The following COTL1 variants were observed in gnomAD, a reference collection of about 807,000 sequenced individuals.
COTL1 encodes the protein coactosin like F-actin binding protein 1, also known as coactosin-like protein.
Under a neutral mutation model 16.5 loss-of-function variants are expected in COTL1, and 15 were observed. The observed-to-expected ratio is 0.91, with a 90% CI of 0.61 to 1.40. The LOEUF (loss-of-function observed/expected upper bound fraction) is 1.40. Among genes scored for constraint, COTL1 ranks in the 40% most tolerant of loss-of-function variants. The pLI is 0.00. For synonymous variants in COTL1, 112 were observed against 85.3 expected (o/e 1.31, Z -1.73); for missense variants, 220 against 201.5 (o/e 1.09, Z -0.56).
intron 3 of COTL1, among the ~76,000 whole-genome samples, chr16:84,577,341 T>C (rs1457411334): frequency 6.6e-6 from 1 of 152,172 alleles, no homozygotes; most frequent in Admixed American, 6.5e-5. Flanking sequence ...ATCTCCTAAG[T>C]TCAAGCGATT....
chr16:84,580,271 G>C (rs2150683314), intron 3 of COTL1, among the ~76,000 whole-genome samples: 1 of 152,222 alleles, frequency 6.6e-6, no homozygotes, highest in African/African-American at 2.4e-5. Flanking sequence ...TTGTTTTTGA[G>C]ACAAGGTCTT....
chr16:84,607,886 C>A (rs761325327), intron 2 of COTL1, among the ~76,000 whole-genome samples: 1 of 152,004 alleles, frequency 6.6e-6, no homozygotes, highest in Non-Finnish European at 1.5e-5. Flanking sequence ...AGGGTGGAGC[C>A]CTAAGAAACG....
At position 84,590,641 on chromosome 16, in the gene COTL1, T is replaced by C. The variant is rs917652316; in HGVS notation, c.161-379A>G. Among the ~76,000 whole-genome samples, 1 of 152,206 alleles carries C rather than the reference T, an allele frequency of 6.6e-6. No individual in the cohort carries two copies. Among genetic ancestry groups the C allele is most frequent in the Non-Finnish European group, 1.5e-5 (1 of 68,024 alleles). On this transcript the variant is annotated intron_variant, in intron 2 of 3. Transcript: ENST00000262428. This position sits in a 1 kb window ranked among gnomAD's most constrained non-coding sequence, Gnocchi z 5.5. Reference sequence around the variant, plus strand: ...AAGGCTCAAAGTCTGGGTGGGCCCATTGCACAGATGTGGGTGCCGCCAGCA... The same window carrying C: ...AAGGCTCAAAGTCTGGGTGGGCCCACTGCACAGATGTGGGTGCCGCCAGCA...
chr16:84,573,739 T>C (rs981000535), intron 3 of COTL1, among the ~76,000 whole-genome samples: 1 of 62,702 alleles, frequency 1.6e-5, no homozygotes, highest in Non-Finnish European at 4.0e-5. Context: ...AAACTCTGTC[T>C]CAAAAAAAAA....
At chr16:84,593,030 G>A (rs1395970690) in intron 2 of COTL1, among the ~76,000 whole-genome samples, 1 of 152,236 alleles carries the variant, frequency 6.6e-6, no homozygotes, top group Non-Finnish European at 1.5e-5. Flanking sequence ...TTGTAACAAC[G>A]CTGGGAGGCA....
chr16:84,579,966 G>A (rs565419456), intron 3 of COTL1, among the ~76,000 whole-genome samples: 1 of 152,348 alleles, frequency 6.6e-6, no homozygotes, highest in African/African-American at 2.4e-5. Flanking sequence ...GTACACGTTC[G>A]AATGCTGCAT....
At chr16:84,582,845 C>T (rs905666797) in intron 3 of COTL1, among the ~76,000 whole-genome samples, 3 of 152,124 alleles carry the variant, frequency 2.0e-5, no homozygotes, top group African/African-American at 7.2e-5. Context: ...CACCTGTGAG[C>T]TGATGGCGCC....
In COTL1 at chr16:84,590,183, C is replaced by T. The variant is rs146053531; in HGVS notation, c.240G>A (p.Thr80=). Residue 80 remains threonine (T), a synonymous_variant, in exon 3 of 4, where the codon ACG becomes ACA. Coordinates refer to ENST00000262428, the MANE Select transcript of COTL1 (RefSeq NM_021149.5). The surrounding 1 kb of genome is among the most constrained non-coding windows in gnomAD (Gnocchi z 5.5). ...MSKRSKFALI[T]WIGENVSGLQ... ...GCCCGCTGACGTTCTCACCGATCCA[C>T]GTGATGAGGGCAAACTTGGACCTCT... 8.1e-5 allele frequency: 131 copies of T among 1,614,194 alleles called. No individual in the cohort carries two copies. In the African/African-American group the frequency reaches 1.3e-3, roughly 16 times the overall value.
chr16:84,592,364 G>C (rs9938676), intron 2 of COTL1, among the ~76,000 whole-genome samples: 1 of 152,184 alleles, frequency 6.6e-6, no homozygotes, highest in African/African-American at 2.4e-5. Context: ...CATTCACCTT[G>C]TATTAGCCAC....
chr16:84,600,915 C>T (rs1262870250), intron 2 of COTL1, among the ~76,000 whole-genome samples: 1 of 152,168 alleles, frequency 6.6e-6, no homozygotes, highest in Non-Finnish European at 1.5e-5. Context: ...AAGGTTTTCC[C>T]CCTATGACAA....
rs941704851 is a variant in COTL1 at position 84,590,911 on chromosome 16, C to T, written c.161-649G>A. Among the ~76,000 whole-genome samples the T allele has an allele frequency of 3.9e-5, 6 of 152,016 alleles. No individual in the cohort carries two copies. Among genetic ancestry groups the T allele is most frequent in the Non-Finnish European group, 7.4e-5 (5 of 68,016 alleles). The stretch of plus-strand genomic sequence containing the variant: ...CTTAATTTGGCCCGGGATATGGCTC[C>T]GAGGATATTTCACTTATGACTAGGG... On this transcript the variant is annotated intron_variant, in intron 2 of 3. Transcript: ENST00000262428. This position sits in a 1 kb window ranked among gnomAD's most constrained non-coding sequence, Gnocchi z 5.5.
chr16:84,588,281 G>C (rs982577682), intron 3 of COTL1, among the ~76,000 whole-genome samples: 1 of 151,968 alleles, frequency 6.6e-6, no homozygotes, highest in African/African-American at 2.4e-5. Flanking sequence ...CAGAAAAGTT[G>C]CAAGAGGTAG....
intron 2 of COTL1, among the ~76,000 whole-genome samples, chr16:84,599,682 A>T (rs894160225): frequency 6.6e-6 from 1 of 152,208 alleles, no homozygotes; most frequent in Non-Finnish European, 1.5e-5. Context: ...GTTGCCCCAG[A>T]GAGCGGCAAG....
chr16:84,581,420 C>A (rs989105173), intron 3 of COTL1, among the ~76,000 whole-genome samples: 2 of 152,202 alleles, frequency 1.3e-5, no homozygotes, highest in Non-Finnish European at 2.9e-5. Context: ...CAAGGGGGAG[C>A]AGCAGCCTCG....
At chr16:84,607,640 C>T (rs2150695734) in intron 2 of COTL1, among the ~76,000 whole-genome samples, 1 of 152,216 alleles carries the variant, frequency 6.6e-6, no homozygotes, top group South Asian at 2.1e-4. Flanking sequence ...GGTCGGCTGG[C>T]CAGCACCTGT....
intron 3 of COTL1, among the ~76,000 whole-genome samples, chr16:84,589,227 A>G (rs577335638): frequency 6.6e-6 from 1 of 152,300 alleles, no homozygotes; most frequent in South Asian, 2.1e-4. Context: ...CTCCCACCTC[A>G]GCCTTCCAAA....
chr16:84,589,240 G>A (rs1012879148), intron 3 of COTL1, among the ~76,000 whole-genome samples: 6 of 152,198 alleles, frequency 3.9e-5, no homozygotes, highest in Admixed American at 1.3e-4. Context: ...CTTCCAAAGT[G>A]CTGTGATTTA....
chr16:84,618,006 G>A lies in COTL1; in HGVS notation c.-92C>T. The A allele has an allele frequency of 3.7e-6, 3 of 805,428 alleles. No homozygotes were observed. The highest frequency in any genetic ancestry group is 3.3e-6 in the Non-Finnish European group (2 of 613,782). 49.9% of individuals were successfully genotyped at this position (805,428 alleles called of 1,614,324 possible). A position where few individuals can be genotyped will look rare whatever the true frequency, so the allele number is the denominator to read the frequency against. On this transcript the variant is annotated 5_prime_UTR_variant, in exon 1 of 4. Coordinates refer to ENST00000262428, the MANE Select transcript of COTL1 (RefSeq NM_021149.5). ...GGGAGCGCGGCGGGTACGCGCCGAG[G>A]GCGCACGGGCTGGCGGCGGTGGCGA...
intron 2 of COTL1, chr16:84,615,932 C>A (rs1905470270): frequency 1.3e-5 from 2 of 151,622 alleles, no homozygotes; most frequent in African/African-American, 4.9e-5. Context: ...CCACAAATAC[C>A]CTTTGAATTG....
Sources: allele counts gnomAD v4.1 joint callset (sites outside exome capture counted in the v4.1 genomes callset), GRCh38; gene constraint gnomAD v4.1.1; non-coding constraint Gnocchi (gnomAD v3.1); transcripts MANE v1.5; gene names NCBI Gene and HGNC (gene_info 2026-07-23, HGNC 2026-07-21).